Variants in ATG7 observed in about 807,000 individuals in gnomAD.
ATG7 encodes ubiquitin-like modifier-activating enzyme ATG7.
In ATG7, 70 loss-of-function variants were observed where a neutral mutation model predicts 82.4. The observed-to-expected ratio is 0.85, with a 90% CI of 0.70 to 1.04. ATG7 has a LOEUF of 1.04. Ranked by LOEUF, ATG7 falls within the 50% of genes least tolerant of loss-of-function variation. ATG7 has a pLI of 0.00. For synonymous variants in ATG7, 287 were observed against 313.0 expected (o/e 0.92, Z 0.88); for missense variants, 792 against 864.3 (o/e 0.92, Z 1.05).
In ATG7 at chr3:11,556,598, C is replaced by CA. The variant is rs879799623; in HGVS notation, c.*1764dup. 1.2e-4 allele frequency: 17 copies of CA among 147,718 alleles called. No individual in the cohort carries two copies. The highest frequency in any genetic ancestry group is 3.5e-3 in the Middle Eastern group (1 of 288). The allele number at this position is 147,718 out of a possible 1,614,324, so 9.2% of individuals were successfully genotyped here. On this transcript the variant is annotated 3_prime_UTR_variant, in exon 21 of 21. Coordinates refer to ENST00000693202, the MANE Select transcript of ATG7 (RefSeq NM_001349232.2). ...TGCACTTTTACAGACAAATCTACGA[C>CA]AAAAAAAAAGATCAACTTTTTTTTT...
intron 19 of ATG7, among the ~76,000 whole-genome samples, chr3:11,384,662 C>G (rs1014382324): frequency 1.3e-5 from 2 of 152,082 alleles, no homozygotes; most frequent in East Asian, 3.9e-4. Flanking sequence ...TTTCTTGTTA[C>G]TTATGAAGCA....
chr3:11,538,689 AAAAAAAAAAAAAAAAAATTAGCC>A (rs1484454681), intron 20 of ATG7, among the ~76,000 whole-genome samples: 24 of 141,004 alleles, frequency 1.7e-4, no homozygotes, highest in Admixed American at 3.8e-4. Context: ...AAAAAAAAAA[AAAAAAAAAAAAAAAAAATTAGCC>A]AAAAAAAAAA....
chr3:11,420,847 C>T (rs1032778972), intron 19 of ATG7, among the ~76,000 whole-genome samples: 1 of 150,750 alleles, frequency 6.6e-6, no homozygotes, highest in African/African-American at 2.5e-5. Flanking sequence ...GCTCTGCTTC[C>T]TGGGTTCATG....
rs60183965 is a variant in ATG7, at chr3:11,366,971, CTGTGTGTG to C, written c.1875+2273_1875+2280del. 1.9e-3 allele frequency among the ~76,000 whole-genome samples: 263 copies of C among 139,792 alleles called. 2 individuals carry two copies. Among genetic ancestry groups the C allele is most frequent in the African/African-American group, 5.9e-3 (222 of 37,572 alleles). The allele number at this position is 139,792 out of a possible 152,430, so 91.7% of individuals were successfully genotyped here. ...ATAACGCAGCCATATATGGGAAAAG[CTGTGTGTG>C]TGTGTGTGTGTGTGTGTGTGTGTGT... On this transcript the variant is annotated intron_variant, in intron 18 of 20. Coordinates refer to ENST00000693202, the MANE Select transcript of ATG7 (RefSeq NM_001349232.2).
At chr3:11,344,821 A>G (rs1294995935) in intron 13 of ATG7, among the ~76,000 whole-genome samples, 1 of 152,162 alleles carries the variant, frequency 6.6e-6, no homozygotes. Flanking sequence ...GTGAGCCAAG[A>G]TCGTGCCACT....
chr3:11,336,183 G>A (rs1952453015), intron 11 of ATG7, among the ~76,000 whole-genome samples: 2 of 131,062 alleles, frequency 1.5e-5, no homozygotes, highest in Non-Finnish European at 1.6e-5. Context: ...ACAGGTACAC[G>A]CCGCCACACA....
chr3:11,470,664 G>A (rs1305775566), intron 20 of ATG7, among the ~76,000 whole-genome samples: 2 of 152,162 alleles, frequency 1.3e-5, no homozygotes, highest in African/African-American at 4.8e-5. Flanking sequence ...TCAGAGGTGT[G>A]TCAGTGAACA....
At chr3:11,337,115 C>G (rs1229703449) in intron 11 of ATG7, among the ~76,000 whole-genome samples, 1 of 152,168 alleles carries the variant, frequency 6.6e-6, no homozygotes, top group Non-Finnish European at 1.5e-5. Context: ...TCTTGTGCTG[C>G]TCCTGCTTGC....
downstream of ATG7, chr3:11,558,294 G>GT: frequency 1.7e-6 from 1 of 572,512 alleles, no homozygotes; most frequent in South Asian, 2.7e-5. Flanking sequence ...GGTTTCTTTG[G>GT]TAACTGAGGC....
At chr3:11,568,479 A>G in the ATG7 span, 3 of 1,336,406 alleles carry the variant, frequency 2.2e-6, no homozygotes, top group East Asian at 7.6e-5. The surrounding 1 kb of genome is among the most constrained non-coding windows in gnomAD (Gnocchi z 5.9). Context: ...CAGGCCCACT[A>G]ACTGGAAAGA....
chr3:11,299,570 T>C (rs1395840686), intron 5 of ATG7, among the ~76,000 whole-genome samples, 154 bp downstream of exon 5: 4 of 152,126 alleles, frequency 2.6e-5, no homozygotes, highest in African/African-American at 9.7e-5. Context: ...ATACCTCCCA[T>C]AGAGATGAGT....
chr3:11,431,478 T>TA (rs1217177668), intron 20 of ATG7, among the ~76,000 whole-genome samples: 20 of 152,264 alleles, frequency 1.3e-4, no homozygotes, highest in Admixed American at 1.3e-3. Flanking sequence ...GTGCAACCAT[T>TA]ACCACTCTCT....
chr3:11,461,413 C>T (rs138446905), intron 20 of ATG7, among the ~76,000 whole-genome samples: 1 of 152,294 alleles, frequency 6.6e-6, no homozygotes, highest in Non-Finnish European at 1.5e-5. Flanking sequence ...CTTAGAATTT[C>T]CACGGCGTCT....
At chr3:11,282,820 G>T (rs534740760) in intron 3 of ATG7, among the ~76,000 whole-genome samples, 2 of 152,202 alleles carry the variant, frequency 1.3e-5, no homozygotes, top group Non-Finnish European at 2.9e-5. Flanking sequence ...TATAAAATGT[G>T]CATTGGCTCC....
At chr3:11,383,958 T>C (rs1046585637) in intron 19 of ATG7, among the ~76,000 whole-genome samples, 8 of 152,308 alleles carry the variant, frequency 5.3e-5, no homozygotes, top group South Asian at 2.1e-4. Context: ...TATACACCCA[T>C]GTAACCCACA....
At chr3:11,438,041 A>G (rs1338088269) in intron 20 of ATG7, among the ~76,000 whole-genome samples, 1 of 152,228 alleles carries the variant, frequency 6.6e-6, no homozygotes, top group African/African-American at 2.4e-5. Context: ...CTGGTCATAC[A>G]TACCAAGTGA....
intron 9 of ATG7, among the ~76,000 whole-genome samples, chr3:11,320,290 C>CT (rs113585998): frequency 0.02 from 2,977 of 146,258 alleles, 95 homozygotes; most frequent in East Asian, 0.066. Flanking sequence ...ATCCCTTCTT[C>CT]TTTTTTTTTT....
intron 19 of ATG7, among the ~76,000 whole-genome samples, chr3:11,382,557 C>G (rs2077990863): frequency 6.6e-6 from 1 of 152,156 alleles, no homozygotes; most frequent in South Asian, 2.1e-4. Flanking sequence ...ACTTTCTAAA[C>G]AGATGGTATT....
At chr3:11,397,080 T>C (rs2079364146) in intron 19 of ATG7, among the ~76,000 whole-genome samples, 1 of 152,126 alleles carries the variant, frequency 6.6e-6, no homozygotes, top group Admixed American at 6.5e-5. Flanking sequence ...GAAACCCACA[T>C]GTATCAGTAA....
Sources: allele counts gnomAD v4.1 joint callset (sites outside exome capture counted in the v4.1 genomes callset), GRCh38; gene constraint gnomAD v4.1.1; non-coding constraint Gnocchi (gnomAD v3.1); transcripts MANE v1.5; gene names NCBI Gene and HGNC (gene_info 2026-07-23, HGNC 2026-07-21).